SPAG16: variants seen among roughly 807,000 people sequenced by gnomAD.
SPAG16 encodes the protein sperm-associated antigen 16 protein.
In SPAG16, 86 loss-of-function variants were observed where a neutral mutation model predicts 80.4. The observed-to-expected ratio is 1.07, with a 90% CI of 0.90 to 1.28. The LOEUF is 1.28. SPAG16 is among the 50% of genes most tolerant of loss of function. The pLI is 0.00. For missense variants in SPAG16, 870 were observed against 765.3 expected, an observed-to-expected ratio of 1.14 and a Z score of -1.61; for synonymous variants, 294 against 265.9, an observed-to-expected ratio of 1.11 and a Z score of -1.03.
At chr2:214,355,290 T>C (rs1326798992) in intron 15 of SPAG16, among the ~76,000 whole-genome samples, 2 of 114,068 alleles carry the variant, frequency 1.8e-5, no homozygotes, top group Non-Finnish European at 3.9e-5. Flanking sequence ...AGGGCTAATA[T>C]CAAGAATCTA....
chr2:213,571,943 A>G (rs1328431506), intron 10 of SPAG16, among the ~76,000 whole-genome samples: 1 of 134,212 alleles, frequency 7.5e-6, no homozygotes, highest in Non-Finnish European at 1.5e-5. Context: ...ATTTCTTTTT[A>G]TTCTTTTTTC....
In SPAG16 at chr2:214,014,029, T is replaced by C. The variant is rs780747184; in HGVS notation, c.1479T>C (p.Leu493=). The C allele has an allele frequency of 1.9e-6, 3 of 1,613,620 alleles. No homozygotes were observed. Among genetic ancestry groups the C allele is most frequent in the East Asian group, 2.2e-5 (1 of 44,794 alleles). The change falls in exon 13 of 16, where the codon CTT becomes CTC. Residue 493 remains leucine (L), a synonymous_variant. Coordinates refer to ENST00000331683, the MANE Select transcript of SPAG16 (RefSeq NM_024532.5). ...SIEFFPFSNT[L]LTSSADKTLS... is the part of the protein sequence containing the mutation. ...AGTTTTTTCCTTTCTCCAATACTCTTCTCACAAGCTCTGCAGACAAGACCC... is the reference window on the plus strand; with the variant it reads ...AGTTTTTTCCTTTCTCCAATACTCTCCTCACAAGCTCTGCAGACAAGACCC...
intron 10 of SPAG16, among the ~76,000 whole-genome samples, chr2:213,518,052 T>G (rs1482447125): frequency 6.6e-6 from 1 of 152,178 alleles, no homozygotes; most frequent in South Asian, 2.1e-4. Flanking sequence ...TCACAAACTA[T>G]GCATCTGGCA....
chr2:213,304,692 G>A (rs1575133843), intron 3 of SPAG16, among the ~76,000 whole-genome samples: 1 of 152,020 alleles, frequency 6.6e-6, no homozygotes, highest in Non-Finnish European at 1.5e-5. Flanking sequence ...CACTGTAGAC[G>A]TATGGATGTG....
chr2:214,335,995 G>A lies in SPAG16; in HGVS notation c.1721-74145G>A, dbSNP rs564120033. ...GATGGTCTCGATCTCTTGACCTCGT[G>A]ATCCACCCGCCTTGGCCTCCCAAAG... On this transcript the variant is annotated intron_variant, in intron 15 of 15. Coordinates refer to ENST00000331683, the MANE Select transcript of SPAG16 (RefSeq NM_024532.5). Among the ~76,000 whole-genome samples the A allele has an allele frequency of 1.9e-3, 288 of 152,114 alleles. 2 individuals carry two copies. The highest frequency in any genetic ancestry group is 6.6e-3 in the African/African-American group (272 of 41,486).
At chr2:213,298,505 C>A (rs1157485083) in intron 3 of SPAG16, among the ~76,000 whole-genome samples, 1 of 152,150 alleles carries the variant, frequency 6.6e-6, no homozygotes, top group African/African-American at 2.4e-5. Flanking sequence ...TGGTAAAGTA[C>A]ATGTGGCTAA....
intron 15 of SPAG16, among the ~76,000 whole-genome samples, chr2:214,199,207 T>C (rs565060455): frequency 1.3e-5 from 2 of 152,208 alleles, no homozygotes; most frequent in African/African-American, 2.4e-5. Flanking sequence ...GTTTTTCCGA[T>C]GTTAACTTCT....
At chr2:214,175,414 A>C (rs1280230289) in intron 15 of SPAG16, among the ~76,000 whole-genome samples, 1 of 150,718 alleles carries the variant, frequency 6.6e-6, no homozygotes, top group Non-Finnish European at 1.5e-5. Flanking sequence ...TACTGTCAAC[A>C]TGAGTACGTC....
chr2:213,353,968 G>C (rs2065482226), intron 7 of SPAG16, among the ~76,000 whole-genome samples: 1 of 152,126 alleles, frequency 6.6e-6, no homozygotes, highest in Non-Finnish European at 1.5e-5. Context: ...GTTTACAAGT[G>C]CCATGTTGGT....
intron 13 of SPAG16, among the ~76,000 whole-genome samples, chr2:214,097,536 C>G (rs566029447): frequency 7.2e-5 from 11 of 152,064 alleles, no homozygotes; most frequent in African/African-American, 2.6e-4. Context: ...TTAGATTTTT[C>G]TCTCCATGAG....
At chr2:214,201,413 C>A (rs1301293693) in intron 15 of SPAG16, among the ~76,000 whole-genome samples, 1 of 152,156 alleles carries the variant, frequency 6.6e-6, no homozygotes, top group Admixed American at 6.6e-5. Context: ...AAACTCTAAG[C>A]TTTCATATGA....
In SPAG16 at chr2:214,328,361, C is replaced by T. The variant is rs1317829273; in HGVS notation, c.1721-81779C>T. Among the ~76,000 whole-genome samples, 5 of 152,078 alleles carry T rather than the reference C, an allele frequency of 3.3e-5. No individual in the cohort carries two copies. The East Asian group carries it at 9.6e-4, about 29-fold the overall frequency. ...TATTTTTTATAGAGATGGGGTTTCG[C>T]TCTGTTGGCCAGGTCGGTCTCGAAC... is the stretch of plus-strand genomic sequence containing the variant. On this transcript the variant is annotated intron_variant, in intron 15 of 15. Transcript: ENST00000331683.
chr2:214,092,410 GA>G (rs1470177269), intron 13 of SPAG16, among the ~76,000 whole-genome samples: 1 of 151,768 alleles, frequency 6.6e-6, no homozygotes, highest in East Asian at 1.9e-4. Context: ...TAGTGAGTTT[GA>G]AAATCTTTTC....
chr2:214,170,724 G>C (rs1252101610), intron 15 of SPAG16, among the ~76,000 whole-genome samples: 1 of 151,992 alleles, frequency 6.6e-6, no homozygotes, highest in Non-Finnish European at 1.5e-5. Context: ...ATAAGCTCAT[G>C]ATTATGTCCT....
intron 15 of SPAG16, among the ~76,000 whole-genome samples, chr2:214,160,870 G>A (rs926790098): frequency 6.6e-6 from 1 of 151,670 alleles, no homozygotes; most frequent in African/African-American, 2.4e-5. Context: ...TTTATCCATT[G>A]CTGTAATGAT....
intron 9 of SPAG16, among the ~76,000 whole-genome samples, chr2:213,461,831 G>T (rs1189561304): frequency 1.3e-5 from 2 of 152,104 alleles, no homozygotes; most frequent in East Asian, 3.8e-4. Context: ...TGAGGAATGA[G>T]AAAAGATACA....
rs191855908 is a variant in SPAG16, at chr2:213,672,828, T to G, written c.1070+182738T>G. On this transcript the variant is annotated intron_variant, in intron 10 of 15. Transcript: ENST00000331683. ...ATAACTAATTTTCATCAATGATCAGTTTTTTTTTGTTTGTTTGTTTTATTT... is the reference window on the plus strand; with the variant it reads ...ATAACTAATTTTCATCAATGATCAGGTTTTTTTTGTTTGTTTGTTTTATTT... Among the ~76,000 whole-genome samples the G allele has an allele frequency of 1.9e-4, 28 of 147,690 alleles. No homozygotes were observed. The East Asian group carries it at 1.9e-3, about 10-fold the overall frequency.
intron 10 of SPAG16, among the ~76,000 whole-genome samples, chr2:213,612,150 G>A (rs571683193): frequency 5.3e-5 from 8 of 152,194 alleles, no homozygotes; most frequent in South Asian, 4.2e-4. Context: ...AGTCATTGGC[G>A]AATATTTCCA....
chr2:213,422,778 T>C (rs564787788), intron 9 of SPAG16, among the ~76,000 whole-genome samples: 1 of 152,376 alleles, frequency 6.6e-6, no homozygotes, highest in South Asian at 2.1e-4. Context: ...ATGGTTCCTC[T>C]AGATGAAGGA....
Sources: gnomAD v4.1 joint callset for allele counts (sites outside exome capture counted in the v4.1 genomes callset) on GRCh38, gnomAD v4.1.1 for gene constraint, MANE v1.5 for transcripts, NCBI Gene and HGNC (gene_info 2026-07-23, HGNC 2026-07-21) for gene names.